PBX4: variants seen among roughly 807,000 people sequenced by gnomAD.
The protein encoded by PBX4 is PBX homeobox 4, also known as pre-B-cell leukemia transcription factor 4.
Under a neutral mutation model 35.1 loss-of-function variants are expected in PBX4, and 26 were observed. The ratio of observed to expected loss-of-function variants is 0.74; its 90% CI spans 0.54 to 1.03. The LOEUF (loss-of-function observed/expected upper bound fraction) is 1.03, where lower values mean the gene tolerates loss of function less well. PBX4 is among the 50% of genes least tolerant of loss of function. PBX4 has a pLI of 0.00. For synonymous variants in PBX4, 199 were observed against 204.2 expected, an observed-to-expected ratio of 0.97 and a Z score of 0.22; for missense variants, 448 against 504.3, an observed-to-expected ratio of 0.89 and a Z score of 1.07.
Position 19,583,528 on chromosome 19 carries a change from G to A in PBX4, c.194-12695C>T, listed in dbSNP as rs556157823. On this transcript the variant is annotated intron_variant, in intron 2 of 7. Coordinates refer to ENST00000251203, the MANE Select transcript of PBX4 (RefSeq NM_025245.3). ...CTCGAGAAGCTGAGACAGGAAGATCGCTTGAGCCCCGGAGTTTGAGGCTGC... is the reference window on the plus strand; with the variant it reads ...CTCGAGAAGCTGAGACAGGAAGATCACTTGAGCCCCGGAGTTTGAGGCTGC... 1.8e-4 allele frequency among the ~76,000 whole-genome samples: 27 copies of A among 151,074 alleles called. No homozygotes were observed. In the East Asian group the frequency reaches 4.9e-3, roughly 28 times the overall value.
At chr19:19,601,795 C>A (rs968827410) in intron 1 of PBX4, among the ~76,000 whole-genome samples, 1 of 152,136 alleles carries the variant, frequency 6.6e-6, no homozygotes, top group African/African-American at 2.4e-5. Context: ...AGCCCATGGG[C>A]TCACTGGGCA....
At chr19:19,569,151 T>C (rs1200230002) in intron 5 of PBX4, among the ~76,000 whole-genome samples, 1 of 152,164 alleles carries the variant, frequency 6.6e-6, no homozygotes, top group Non-Finnish European at 1.5e-5. Context: ...CTCACCCTCC[T>C]GGGCTCAAGT....
At chr19:19,600,622 C>G (rs961341064) in intron 1 of PBX4, among the ~76,000 whole-genome samples, 1 of 151,710 alleles carries the variant, frequency 6.6e-6, no homozygotes, top group Non-Finnish European at 1.5e-5. Context: ...AATTTGAGAC[C>G]AGCCTGGCCA....
At chr19:19,572,319 T>C (rs1447654009) in intron 2 of PBX4, among the ~76,000 whole-genome samples, 2 of 151,414 alleles carry the variant, frequency 1.3e-5, no homozygotes, top group Admixed American at 1.3e-4. Context: ...ATGATCCGCC[T>C]GCCTTGGCCT....
chr19:19,577,604 C>G (rs762347205), intron 2 of PBX4, among the ~76,000 whole-genome samples: 1 of 152,090 alleles, frequency 6.6e-6, no homozygotes, highest in Non-Finnish European at 1.5e-5. Context: ...TGGTGGCTCA[C>G]GCCTATAATC....
At chr19:19,566,308 C>T (rs1416282151) in intron 5 of PBX4, among the ~76,000 whole-genome samples, 1 of 152,130 alleles carries the variant, frequency 6.6e-6, no homozygotes, top group Non-Finnish European at 1.5e-5. Context: ...CCTTGGCACC[C>T]ACTGGGTGCC....
At chr19:19,614,432 G>C (rs910389198) in intron 1 of PBX4, among the ~76,000 whole-genome samples, 2 of 148,912 alleles carry the variant, frequency 1.3e-5, no homozygotes, top group African/African-American at 5.0e-5. Flanking sequence ...TCGGGAGTTT[G>C]AGACCAGCCT....
At chr19:19,569,706 T>A in intron 4 of PBX4, 122 bp from the exon 5 acceptor site, 1 of 1,302,460 alleles carries the variant, frequency 7.7e-7, no homozygotes, top group Non-Finnish European at 1.0e-6. Context: ...GGTCAGGAGT[T>A]CGAGACCAGC....
At position 19,565,078 on chromosome 19, in the gene PBX4, C is replaced by G; in HGVS notation, c.780G>C (p.Trp260Cys). 2 of 1,614,190 alleles carry G rather than the reference C, an allele frequency of 1.2e-6. No individual in the cohort carries two copies. The highest frequency in any genetic ancestry group is 1.7e-5 in the Admixed American group (1 of 60,020). The change falls in exon 6 of 8, where the codon TGG becomes TGC. Residue 260 changes from tryptophan to cysteine, a missense_variant. Transcript: ENST00000251203. Reference sequence around the variant, plus strand: ...TATACCGGATTCTTTTGTTGCCAAACCAGTTAGAGACCTGCGGACACACAG... The same window carrying G: ...TATACCGGATTCTTTTGTTGCCAAAGCAGTTAGAGACCTGCGGACACACAG... Reference protein sequence around the residue: ...GGLTISQVSNWFGNKRIRYKK... With the variant: ...GGLTISQVSNCFGNKRIRYKK...
At chr19:19,598,222 G>A (rs939069085) in intron 2 of PBX4, among the ~76,000 whole-genome samples, 2 of 151,930 alleles carry the variant, frequency 1.3e-5, no homozygotes, top group Admixed American at 6.6e-5. Flanking sequence ...AGGTGTTGAC[G>A]AGACAGGAAG....
intron 2 of PBX4, among the ~76,000 whole-genome samples, chr19:19,585,967 G>A (rs1286392299): frequency 6.6e-6 from 1 of 151,932 alleles, no homozygotes; most frequent in East Asian, 1.9e-4. Context: ...TCTTCACACG[G>A]ACGCGTGAGA....
chr19:19,596,382 A>AAATAAATG (rs1378876663), intron 2 of PBX4, among the ~76,000 whole-genome samples: 5 of 151,772 alleles, frequency 3.3e-5, no homozygotes, highest in African/African-American at 1.2e-4. Flanking sequence ...ATAAATAAAT[A>AAATAAATG]AATAAACAAA....
intron 6 of PBX4, 154 bp downstream of exon 6, chr19:19,564,779 G>A: frequency 1.1e-6 from 1 of 952,152 alleles, no homozygotes; most frequent in Non-Finnish European, 1.6e-6. Flanking sequence ...ATGGCCAAGA[G>A]GAACAGAACT....
chr19:19,573,288 A>G (rs1489141429), intron 2 of PBX4, among the ~76,000 whole-genome samples: 1 of 150,998 alleles, frequency 6.6e-6, no homozygotes, highest in Non-Finnish European at 1.5e-5. Context: ...CTGGGCAACA[A>G]GAGCGAAACT....
In PBX4 at chr19:19,599,322, T is replaced by C; in HGVS notation, c.163A>G (p.Ser55Gly). Reference sequence around the variant, plus strand: ...TTTTCCTTGATCTCACAGAGCACGCTGAACAGAGCAGGCTTCATCCGATGG... The same window carrying C: ...TTTTCCTTGATCTCACAGAGCACGCCGAACAGAGCAGGCTTCATCCGATGG... The part of the protein sequence containing the change: ...NCHRMKPALF[S>G]VLCEIKEKTV... The change falls in exon 2 of 8, where the codon AGC becomes GGC. Residue 55 changes from serine to glycine, a missense_variant. Coordinates refer to ENST00000251203, the MANE Select transcript of PBX4 (RefSeq NM_025245.3). The C allele has an allele frequency of 2.5e-6, 4 of 1,613,202 alleles. No homozygotes were observed. The highest frequency in any genetic ancestry group is 2.5e-6 in the Non-Finnish European group (3 of 1,179,444).
At chr19:19,577,615 C>T (rs1310103468) in intron 2 of PBX4, among the ~76,000 whole-genome samples, 2 of 152,068 alleles carry the variant, frequency 1.3e-5, no homozygotes, top group Non-Finnish European at 2.9e-5. Flanking sequence ...GCCTATAATC[C>T]CAGCACTTTG....
intron 2 of PBX4, among the ~76,000 whole-genome samples, chr19:19,590,730 A>G (rs184222610): frequency 6.6e-6 from 1 of 152,224 alleles, no homozygotes; most frequent in East Asian, 1.9e-4. Flanking sequence ...TGGCCTCCCA[A>G]AGTGCTGGAA....
chr19:19,563,478 T>A lies in PBX4; in HGVS notation c.1032+31A>T. On this transcript the variant is annotated intron_variant, in intron 7 of 7. Transcript: ENST00000251203. The surrounding 1 kb of genome is among the most constrained non-coding windows in gnomAD (Gnocchi z 5.1). ...CCTTTCTGAGAACCTACCACCCACC[T>A]GGGCGCTGTGGGACAGTGCCTGAGA... is the stretch of plus-strand genomic sequence containing the variant. The A allele has an allele frequency of 6.8e-7, 1 of 1,475,736 alleles. No homozygotes were observed. Among genetic ancestry groups the A allele is most frequent in the Non-Finnish European group, 9.2e-7 (1 of 1,088,772 alleles). The allele number at this position is 1,475,736 out of a possible 1,614,324, so 91.4% of individuals were successfully genotyped here. A position where few individuals can be genotyped will look rare whatever the true frequency, so the allele number is the denominator to read the frequency against.
chr19:19,568,746 C>T (rs1371109501), intron 5 of PBX4, among the ~76,000 whole-genome samples: 2 of 152,042 alleles, frequency 1.3e-5, no homozygotes, highest in Non-Finnish European at 2.9e-5. Context: ...AGGGAGCTCA[C>T]ACTCCATCTG....
Sources: allele counts gnomAD v4.1 joint callset (sites outside exome capture counted in the v4.1 genomes callset), GRCh38; gene constraint gnomAD v4.1.1; non-coding constraint Gnocchi (gnomAD v3.1); transcripts MANE v1.5; gene names NCBI Gene and HGNC (gene_info 2026-07-23, HGNC 2026-07-21).